TACR1: variants seen among roughly 807,000 people sequenced by gnomAD.
TACR1 encodes substance-P receptor.
A neutral mutation model predicts 35.8 loss-of-function variants in TACR1; 25 were observed. The observed-to-expected ratio is 0.70, with a 90% CI of 0.51 to 0.98. The LOEUF is 0.98. Among genes scored for constraint, TACR1 ranks in the 50% least tolerant of loss-of-function variants. The pLI is 0.00. For synonymous variants in TACR1, 195 were observed against 206.7 expected (o/e 0.94, Z 0.48); for missense variants, 478 against 522.9 (o/e 0.91, Z 0.84).
At chr2:75,130,515 A>G (rs1402521179) in intron 1 of TACR1, among the ~76,000 whole-genome samples, 1 of 152,254 alleles carries the variant, frequency 6.6e-6, no homozygotes, top group Non-Finnish European at 1.5e-5. Context: ...TGTATAGTGT[A>G]AATCCACAAC....
At chr2:75,104,571 A>G (rs1439018430) in intron 2 of TACR1, among the ~76,000 whole-genome samples, 1 of 152,114 alleles carries the variant, frequency 6.6e-6, no homozygotes, top group Non-Finnish European at 1.5e-5. Context: ...TCCATCCAAT[A>G]GCAGCAGAAT....
At chr2:75,105,863 A>G (rs1023448052) in intron 2 of TACR1, among the ~76,000 whole-genome samples, 3 of 152,006 alleles carry the variant, frequency 2.0e-5, no homozygotes, top group African/African-American at 7.2e-5. Flanking sequence ...CCTTGAAACT[A>G]TCAAAGACAT....
chr2:75,123,264 C>T (rs1674007422), intron 1 of TACR1, among the ~76,000 whole-genome samples: 1 of 152,210 alleles, frequency 6.6e-6, no homozygotes, highest in South Asian at 2.1e-4. Context: ...GGAGGATGCT[C>T]AGGGGAGAAT....
At chr2:75,076,380 A>G (rs1306287069) in intron 2 of TACR1, among the ~76,000 whole-genome samples, 1 of 152,216 alleles carries the variant, frequency 6.6e-6, no homozygotes, top group African/African-American at 2.4e-5. Flanking sequence ...GCACACACAG[A>G]AGCTTATAAA....
At chr2:75,143,541 G>A (rs1192152684) in intron 1 of TACR1, among the ~76,000 whole-genome samples, 3 of 152,196 alleles carry the variant, frequency 2.0e-5, no homozygotes, top group African/African-American at 7.2e-5. Context: ...GCATCTATTA[G>A]CTAATTGAGT....
intron 2 of TACR1, among the ~76,000 whole-genome samples, chr2:75,064,138 CAA>C (rs1440934980): frequency 6.6e-6 from 1 of 151,802 alleles, no homozygotes; most frequent in Non-Finnish European, 1.5e-5. Context: ...AGGAATGGCT[CAA>C]GAGTCTGGGA....
At chr2:75,174,509 T>G (rs780969480) in intron 1 of TACR1, among the ~76,000 whole-genome samples, 2 of 152,182 alleles carry the variant, frequency 1.3e-5, no homozygotes, top group Non-Finnish European at 2.9e-5. Context: ...ATCAGGCTAC[T>G]CAAAATGGTG....
chr2:75,147,746 CT>C (rs36067244), intron 1 of TACR1, among the ~76,000 whole-genome samples: 2,346 of 145,012 alleles, frequency 0.016, 67 homozygotes, highest in African/African-American at 0.056. Context: ...GATCTCATTC[CT>C]TTTTTTTTTT....
At chr2:75,112,135 T>G (rs1673763516) in intron 2 of TACR1, among the ~76,000 whole-genome samples, 1 of 152,016 alleles carries the variant, frequency 6.6e-6, no homozygotes, top group Non-Finnish European at 1.5e-5. Flanking sequence ...TGACATGCTA[T>G]CTTTAGCACA....
chr2:75,189,664 T>C (rs988222052), intron 1 of TACR1: 3 of 152,230 alleles, frequency 2.0e-5, no homozygotes, highest in African/African-American at 7.2e-5. Context: ...CAGGTTGAAA[T>C]GCTTTAAGAG....
chr2:75,141,896 C>G (rs1674415332), intron 1 of TACR1, among the ~76,000 whole-genome samples: 1 of 152,162 alleles, frequency 6.6e-6, no homozygotes, highest in Non-Finnish European at 1.5e-5. Flanking sequence ...TGTGAGAGTC[C>G]AACCCCAGGG....
At position 75,075,736 on chromosome 2, in the gene TACR1, G is replaced by T. The variant is rs149501406; in HGVS notation, c.585-21981C>A. Among the ~76,000 whole-genome samples the T allele has an allele frequency of 7.7e-4, 117 of 152,186 alleles. 1 individual carries two copies. Among genetic ancestry groups the T allele is most frequent in the African/African-American group, 2.8e-3 (115 of 41,556 alleles). On this transcript the variant is annotated intron_variant, in intron 2 of 4. Coordinates refer to ENST00000305249, the MANE Select transcript of TACR1 (RefSeq NM_001058.4). ...ACAACAAGAACAAATTCAGCTAATT[G>T]CTGTTTGTTAGAGACATATGTGAAA...
At chr2:75,059,056 C>T (rs574621671) in intron 2 of TACR1, among the ~76,000 whole-genome samples, 1 of 152,184 alleles carries the variant, frequency 6.6e-6, no homozygotes, top group African/African-American at 2.4e-5. Context: ...TTCTGCTTTG[C>T]TGGGTTTACA....
chr2:75,154,709 C>G (rs1367869174), intron 1 of TACR1: 2 of 152,770 alleles, frequency 1.3e-5, no homozygotes, highest in Non-Finnish European at 2.9e-5. Flanking sequence ...GCTGGAGTCT[C>G]CTAACTGTCT....
chr2:75,098,542 A>G (rs548808396), intron 2 of TACR1, among the ~76,000 whole-genome samples: 1 of 152,294 alleles, frequency 6.6e-6, no homozygotes, highest in African/African-American at 2.4e-5. Context: ...ACCTCTGAGA[A>G]TAGCTGCCTC....
intron 1 of TACR1, among the ~76,000 whole-genome samples, chr2:75,155,036 T>G (rs1045591626): frequency 6.6e-6 from 1 of 152,138 alleles, no homozygotes; most frequent in Non-Finnish European, 1.5e-5. Flanking sequence ...TCAAACCAAA[T>G]GAAAGGGCTG....
chr2:75,192,116 G>T (rs555710536), intron 1 of TACR1, among the ~76,000 whole-genome samples: 100 of 152,236 alleles, frequency 6.6e-4, no homozygotes, highest in African/African-American at 2.4e-3. Flanking sequence ...GCCAGTCCTA[G>T]GTGTCTAGGT....
chr2:75,105,590 C>A (rs1673623538), intron 2 of TACR1, among the ~76,000 whole-genome samples: 1 of 151,954 alleles, frequency 6.6e-6, no homozygotes. Flanking sequence ...TTGGTTTAAT[C>A]ATTTCCCAAT....
chr2:75,087,612 G>T (rs916681640), intron 2 of TACR1, among the ~76,000 whole-genome samples: 1 of 152,184 alleles, frequency 6.6e-6, no homozygotes, highest in Non-Finnish European at 1.5e-5. Flanking sequence ...ATTAAACGCC[G>T]TGTTGTGCTA....
Sources: allele counts gnomAD v4.1 joint callset (sites outside exome capture counted in the v4.1 genomes callset), GRCh38; gene constraint gnomAD v4.1.1; transcripts MANE v1.5; gene names NCBI Gene and HGNC (gene_info 2026-07-23, HGNC 2026-07-21).